AXIN1: variants seen among roughly 807,000 people sequenced by gnomAD.
AXIN1 encodes the protein axin 1.
Under a neutral mutation model 76.4 loss-of-function variants are expected in AXIN1, and 30 were observed. That is an observed-to-expected ratio of 0.39 (90% CI 0.29 to 0.53). AXIN1 has a LOEUF of 0.53. AXIN1 is among the 20% of genes least tolerant of loss of function. AXIN1 has a pLI of 0.66. For synonymous variants in AXIN1, 545 were observed against 501.4 expected, an observed-to-expected ratio of 1.09 and a Z score of -1.16; for missense variants, 1,140 against 1,198.8, an observed-to-expected ratio of 0.95 and a Z score of 0.72.
intron 5 of AXIN1, among the ~76,000 whole-genome samples, chr16:303,898 C>T (rs1051818811): frequency 2.6e-5 from 4 of 152,342 alleles, no homozygotes; most frequent in South Asian, 2.1e-4. Flanking sequence ...TCGCAGCCCC[C>T]GACTGCACGC....
rs182926995 is a variant in AXIN1, at chr16:307,692, G to A, written c.1116+2281C>T. 3.1e-3 allele frequency among the ~76,000 whole-genome samples: 466 copies of A among 152,322 alleles called. 2 individuals carry two copies. Among genetic ancestry groups the A allele is most frequent in the African/African-American group, 9.2e-3 (381 of 41,556 alleles). ...ACAACAGGGTTCTGCTCCTATGAGC[G>A]TCTAAGCTACTCCCCTCCTGCTGTC... On this transcript the variant is annotated intron_variant, in intron 4 of 10. Coordinates refer to ENST00000262320, the MANE Select transcript of AXIN1 (RefSeq NM_003502.4).
At chr16:339,613 C>A (rs919722458) in intron 2 of AXIN1, among the ~76,000 whole-genome samples, 1 of 150,950 alleles carries the variant, frequency 6.6e-6, no homozygotes, top group Non-Finnish European at 1.5e-5. Flanking sequence ...ACCTGGGAGG[C>A]GGAGGCTGCA....
intron 9 of AXIN1, chr16:289,944 T>C: frequency 2.2e-6 from 1 of 453,540 alleles, no homozygotes; most frequent in Non-Finnish European, 4.1e-6. Context: ...CAGGAAGACC[T>C]ACGGCCCCCA....
chr16:299,193 G>A (rs1048297341), intron 5 of AXIN1: 4 of 985,242 alleles, frequency 4.1e-6, no homozygotes, highest in African/African-American at 1.7e-5. Context: ...GTTAACAGGT[G>A]CTGAAGCTTA....
rs188447043 is a variant in AXIN1, at chr16:349,342, G to A, written c.-81-2236C>T. On this transcript the variant is annotated intron_variant, in intron 1 of 10. Coordinates refer to ENST00000262320, the MANE Select transcript of AXIN1 (RefSeq NM_003502.4). Reference sequence around the variant, plus strand: ...AGACCACTTCAGCGGCAGTCACTCCGTGAGCCACATCAGCATGGAGGGAGC... The same window carrying A: ...AGACCACTTCAGCGGCAGTCACTCCATGAGCCACATCAGCATGGAGGGAGC... Among the ~76,000 whole-genome samples, 181 of 152,204 alleles carry A rather than the reference G, an allele frequency of 1.2e-3. 2 individuals carry two copies. The highest frequency in any genetic ancestry group is 1.0e-2 in the South Asian group (48 of 4,824).
At chr16:298,365 T>G (rs2052777194) in intron 5 of AXIN1, 114 bp from the exon 6 acceptor site, 3 of 1,447,570 alleles carry the variant, frequency 2.1e-6, no homozygotes, top group East Asian at 2.5e-5. Flanking sequence ...CAGCCCAGGG[T>G]GGCCGGGGGC....
In AXIN1 at chr16:344,396, C is replaced by G. The variant is rs1306836550; in HGVS notation, c.878+1752G>C. On this transcript the variant is annotated intron_variant, in intron 2 of 10. Coordinates refer to ENST00000262320, the MANE Select transcript of AXIN1 (RefSeq NM_003502.4). ...AGTGAGCCGAGATGGCGCCACCGCA[C>G]TCCAGCCTGGGCGATAGAGCAAGAC... is the stretch of plus-strand genomic sequence containing the variant. Among the ~76,000 whole-genome samples the G allele has an allele frequency of 5.4e-5, 8 of 147,572 alleles. No individual in the cohort carries two copies. The Admixed American group carries it at 5.4e-4, about 10-fold the overall frequency.
chr16:289,805 C>T (rs1001864280), intron 9 of AXIN1, 198 bp from the exon 10 acceptor site: 9 of 689,080 alleles, frequency 1.3e-5, no homozygotes, highest in Admixed American at 4.9e-5. Context: ...GAGTCGGCTC[C>T]GCTCACTGGG....
At chr16:317,565 G>A (rs1431046051) in intron 2 of AXIN1, among the ~76,000 whole-genome samples, 1 of 152,196 alleles carries the variant, frequency 6.6e-6, no homozygotes, top group Non-Finnish European at 1.5e-5. Context: ...GCAGCCTCAG[G>A]CTGACAGCAA....
At chr16:332,908 C>T (rs1180106263) in intron 2 of AXIN1, among the ~76,000 whole-genome samples, 1 of 152,128 alleles carries the variant, frequency 6.6e-6, no homozygotes, top group East Asian at 1.9e-4. Flanking sequence ...TGGCCAGATG[C>T]AATCAATGGC....
At chr16:302,748 T>C (rs367694850) in intron 5 of AXIN1, among the ~76,000 whole-genome samples, 2 of 152,156 alleles carry the variant, frequency 1.3e-5, no homozygotes, top group African/African-American at 2.4e-5. Flanking sequence ...ATCAGGTGAA[T>C]GGAAACGCTC....
At chr16:308,157 G>A (rs927747206) in intron 4 of AXIN1, among the ~76,000 whole-genome samples, 5 of 152,212 alleles carry the variant, frequency 3.3e-5, no homozygotes, top group Admixed American at 1.3e-4. Context: ...TGTGCCTGCC[G>A]CCTCTGTTGG....
chr16:308,558 G>T (rs1341602290), intron 4 of AXIN1, among the ~76,000 whole-genome samples: 1 of 152,262 alleles, frequency 6.6e-6, no homozygotes, highest in African/African-American at 2.4e-5. Flanking sequence ...TGGTTGCTCA[G>T]CTGTCTTGTC....
At chr16:312,004 C>T (rs1407753863) in intron 3 of AXIN1, among the ~76,000 whole-genome samples, 2 of 152,218 alleles carry the variant, frequency 1.3e-5, no homozygotes, top group Admixed American at 6.5e-5. Context: ...GGCTCAGCCA[C>T]GGTGGGCGTC....
At position 346,792 on chromosome 16, in the gene AXIN1, G is replaced by C. The variant is rs751135812; in HGVS notation, c.234C>G (p.Pro78=). 22 of 1,612,116 alleles carry C rather than the reference G, an allele frequency of 1.4e-5. No homozygotes were observed. The highest frequency in any genetic ancestry group is 8.3e-5 in the Admixed American group (5 of 59,950). The change falls in exon 2 of 11, where the codon CCC becomes CCG. Residue 78 remains proline (P), a synonymous_variant. Coordinates refer to ENST00000262320, the MANE Select transcript of AXIN1 (RefSeq NM_003502.4). ...LGYEPEGSAS[P]TPPYLKWAES... is the part of the protein sequence containing the mutation. Reference sequence around the variant, plus strand: ...CAGCCCACTTCAAGTATGGTGGGGTGGGGGAGGCACTGCCCTCAGGCTCAT... The same window carrying C: ...CAGCCCACTTCAAGTATGGTGGGGTCGGGGAGGCACTGCCCTCAGGCTCAT...
chr16:320,715 G>A (rs180771275), intron 2 of AXIN1, among the ~76,000 whole-genome samples: 29 of 93,682 alleles, frequency 3.1e-4, no homozygotes, highest in South Asian at 1.1e-3. Context: ...ACGTATATGC[G>A]TGTGTGTGTA....
chr16:327,617 C>A (rs115777569), intron 2 of AXIN1, among the ~76,000 whole-genome samples: 4,696 of 152,346 alleles, frequency 0.031, 241 homozygotes, highest in African/African-American at 0.098. Flanking sequence ...GCAGCACAGG[C>A]GGGGCAGCCC....
chr16:309,257 G>A (rs980327614), intron 4 of AXIN1, among the ~76,000 whole-genome samples: 41 of 151,868 alleles, frequency 2.7e-4, no homozygotes, highest in African/African-American at 9.7e-4. Context: ...GTGAACCCGG[G>A]AGGCAGAGCT....
intron 2 of AXIN1, among the ~76,000 whole-genome samples, chr16:345,491 G>T (rs892816953): frequency 5.3e-5 from 8 of 152,236 alleles, no homozygotes; most frequent in Admixed American, 6.5e-5. Flanking sequence ...GAGGCAGGCA[G>T]ATCACCTGAG....
Sources: gnomAD v4.1 joint callset for allele counts (sites outside exome capture counted in the v4.1 genomes callset) on GRCh38, gnomAD v4.1.1 for gene constraint, MANE v1.5 for transcripts, NCBI Gene and HGNC (gene_info 2026-07-23, HGNC 2026-07-21) for gene names.